Variants in LAMB4 observed in about 807,000 individuals in gnomAD.
The protein encoded by LAMB4 is laminin subunit beta-4.
A neutral mutation model predicts 199.2 loss-of-function variants in LAMB4; 196 were observed. That is an observed-to-expected ratio of 0.98 (90% CI 0.88 to 1.11). The LOEUF (loss-of-function observed/expected upper bound fraction) is 1.11. LAMB4 is among the 50% of genes least tolerant of loss of function. The probability of loss-of-function intolerance (pLI) is 0.00; values close to 1 mark genes in which losing one functional copy is unlikely to be tolerated. For missense variants in LAMB4, 2,080 were observed against 2,171.2 expected, an observed-to-expected ratio of 0.96 and a Z score of 0.83; for synonymous variants, 744 against 770.6, an observed-to-expected ratio of 0.97 and a Z score of 0.57.
At chr7:108,072,809 T>A (rs1055794973) in intron 17 of LAMB4, among the ~76,000 whole-genome samples, 15 of 152,212 alleles carry the variant, frequency 9.9e-5, no homozygotes, top group Non-Finnish European at 1.0e-4. Context: ...TACTGTATTC[T>A]TAAGTTGATA....
intron 8 of LAMB4, 29 bp downstream of exon 8, chr7:108,105,788 C>A (rs1162786680): frequency 6.3e-7 from 1 of 1,591,902 alleles, no homozygotes; most frequent in African/African-American, 1.3e-5. Context: ...GGTAGGACAG[C>A]CCACTGTTCT....
chr7:108,048,134 T>A (rs755712370), intron 27 of LAMB4, 23 bp from the exon 28 acceptor site: 13 of 1,454,048 alleles, frequency 8.9e-6, no homozygotes, highest in Non-Finnish European at 1.1e-5. Context: ...ATGATTTACG[T>A]TAAATAGCAA....
rs566642626 is a variant in LAMB4, at chr7:108,030,917, C to T, written c.4881G>A (p.Leu1627=). The T allele has an allele frequency of 1.2e-6, 2 of 1,614,092 alleles. No individual in the cohort carries two copies. Among genetic ancestry groups the T allele is most frequent in the South Asian group, 1.1e-5 (1 of 91,078 alleles). Residue 1627 remains leucine, a synonymous_variant, in exon 32 of 34, where the codon CTG becomes CTA. Coordinates refer to ENST00000388781, the MANE Select transcript of LAMB4 (RefSeq NM_007356.3). ...TCTGCAGCAGGGAAAGTCCATCCTC[C>T]AGCCCTGATCGCTGCTTTGCTAACT... The part of the protein sequence containing the change: ...ELELAKQRSG[L]EDGLSLLQTK...
chr7:108,071,506 C>T (rs1034223376), intron 17 of LAMB4, among the ~76,000 whole-genome samples: 1 of 152,224 alleles, frequency 6.6e-6, no homozygotes, highest in Admixed American at 6.5e-5. Context: ...CCCACAGGCA[C>T]TGCAAAACAA....
Position 108,023,980 on chromosome 7 carries a change from A to C in LAMB4, c.*59T>G. 1 of 1,468,122 alleles carries C rather than the reference A, an allele frequency of 6.8e-7. No homozygotes were observed. Among genetic ancestry groups the C allele is most frequent in the South Asian group, 1.4e-5 (1 of 71,912 alleles). 90.9% of individuals were successfully genotyped at this position (1,468,122 alleles called of 1,614,324 possible). Reference sequence around the variant, plus strand: ...TATTTCACAGGTTCAACAGAGCCCCAGGGGCTTGTACATCAGAAACCAGAA... The same window carrying C: ...TATTTCACAGGTTCAACAGAGCCCCCGGGGCTTGTACATCAGAAACCAGAA... On this transcript the variant is annotated 3_prime_UTR_variant, in exon 34 of 34. Coordinates refer to ENST00000388781, the MANE Select transcript of LAMB4 (RefSeq NM_007356.3).
intron 25 of LAMB4, 89 bp downstream of exon 25, chr7:108,055,543 T>A: frequency 7.4e-7 from 1 of 1,357,004 alleles, no homozygotes; most frequent in Non-Finnish European, 1.0e-6. Flanking sequence ...TAGGTACATT[T>A]CTAAATTGAA....
chr7:108,082,703 A>G (rs1428468896), intron 14 of LAMB4, among the ~76,000 whole-genome samples: 2 of 152,176 alleles, frequency 1.3e-5, no homozygotes, highest in Non-Finnish European at 2.9e-5. Flanking sequence ...GTGGGGTAAG[A>G]GCTCTTGTAG....
chr7:108,129,863 T>C (rs1173469451), intron 1 of LAMB4, among the ~76,000 whole-genome samples: 1 of 152,228 alleles, frequency 6.6e-6, no homozygotes, highest in Non-Finnish European at 1.5e-5. Flanking sequence ...GCAGACTTGC[T>C]TTTCTTAAAA....
chr7:108,039,790 A>T (rs1049682969), intron 29 of LAMB4, among the ~76,000 whole-genome samples: 2 of 152,268 alleles, frequency 1.3e-5, no homozygotes, highest in South Asian at 2.1e-4. Flanking sequence ...CTTTTTAATT[A>T]AAAAAGTTCT....
At position 108,037,425 on chromosome 7, in the gene LAMB4, C is replaced by T. The variant is rs1160831266; in HGVS notation, c.4642G>A (p.Gly1548Arg). ...DENRLNEEAD[G>R]AQKLLVKAKA... ...GCCTTCACCAAAAGCTTTTGGGCTC[C>T]ATCTGCTTCTTCATTTAACCTGTTT... Residue 1548 changes from glycine (G) to arginine (R), a missense_variant, in exon 30 of 34, where the codon GGA (glycine) becomes AGA (arginine). Coordinates refer to ENST00000388781, the MANE Select transcript of LAMB4 (RefSeq NM_007356.3). 1 of 1,614,064 alleles carries T rather than the reference C, an allele frequency of 6.2e-7. No individual in the cohort carries two copies. Among genetic ancestry groups the T allele is most frequent in the Non-Finnish European group, 8.5e-7 (1 of 1,180,034 alleles).
At chr7:108,081,036 C>G (rs1049642078) in intron 14 of LAMB4, among the ~76,000 whole-genome samples, 1 of 152,212 alleles carries the variant, frequency 6.6e-6, no homozygotes, top group Admixed American at 6.5e-5. Context: ...ACAGGAGAAT[C>G]GCTTGAACCT....
At chr7:108,020,160 T>C (rs1459330757), downstream of LAMB4, among the ~76,000 whole-genome samples, 2 of 151,934 alleles carry the variant, frequency 1.3e-5, no homozygotes, top group Non-Finnish European at 1.5e-5. Flanking sequence ...TCTCCTAGTG[T>C]TGGGGAGATG....
At chr7:108,065,699 T>C in intron 21 of LAMB4, 63 bp downstream of exon 21, 2 of 1,369,962 alleles carry the variant, frequency 1.5e-6, no homozygotes, top group Non-Finnish European at 2.0e-6. Flanking sequence ...GAATATATGA[T>C]CATTTTACAG....
intron 5 of LAMB4, among the ~76,000 whole-genome samples, chr7:108,108,061 C>G (rs1278448275): frequency 6.6e-6 from 1 of 152,158 alleles, no homozygotes; most frequent in Non-Finnish European, 1.5e-5. Context: ...CCACCTCAGC[C>G]TCCTGAGTAG....
chr7:108,100,918 TTA>T (rs2037793375), intron 10 of LAMB4, among the ~76,000 whole-genome samples: 1 of 152,214 alleles, frequency 6.6e-6, no homozygotes, highest in African/African-American at 2.4e-5. Flanking sequence ...AAGGTAAATT[TTA>T]TATAGTCAGG....
chr7:108,065,612 C>A, intron 21 of LAMB4, 150 bp downstream of exon 21: 1 of 518,224 alleles, frequency 1.9e-6, no homozygotes, highest in Middle Eastern at 4.1e-4. Context: ...ATTCTTTGTT[C>A]AATAAAGCAG....
Position 108,062,949 on chromosome 7 carries a change from G to T in LAMB4, c.3107C>A (p.Pro1036His). ...GTCACAGAGGCAAGCTCCCCCACCA[G>T]GGGGACACTCCATGGGACTCACGCC... Reference protein sequence around the residue: ...ASGVSPMECPPGGGACLCDPV... With the variant: ...ASGVSPMECPHGGGACLCDPV... The change falls in exon 23 of 34, where the codon CCT becomes CAT. Residue 1036 changes from proline to histidine, a missense_variant. Transcript: ENST00000388781. 1 of 1,605,286 alleles carries T rather than the reference G, an allele frequency of 6.2e-7. No individual in the cohort carries two copies. The highest frequency in any genetic ancestry group is 2.3e-5 in the East Asian group (1 of 44,058).
chr7:108,033,788 T>G (rs1378414634), intron 31 of LAMB4, among the ~76,000 whole-genome samples: 1 of 150,340 alleles, frequency 6.7e-6, no homozygotes. Context: ...TGAGATTTCA[T>G]GCACATTTAA....
Position 108,098,454 on chromosome 7 carries a change from A to G in LAMB4, c.1309T>C (p.Cys437Arg), listed in dbSNP as rs1001087660. 1.3e-6 allele frequency: 2 copies of G among 1,547,110 alleles called. No individual in the cohort carries two copies. Among genetic ancestry groups the G allele is most frequent in the Non-Finnish European group, 1.7e-6 (2 of 1,146,766 alleles). ...ENVEGAKCDQ[C>R]KPNHYGLSAT... ...CTTAGTCCGTAGTGGTTGGGTTTGC[A>G]CTGGTCGCATTTGGCTCCTTCCACG... is the stretch of plus-strand genomic sequence containing the variant. The change falls in exon 11 of 34, where the codon TGC becomes CGC. Residue 437 changes from cysteine to arginine, a missense_variant. Cys to Arg is a radical substitution (Grantham distance 180). Transcript: ENST00000388781.
Sources: allele counts gnomAD v4.1 joint callset (sites outside exome capture counted in the v4.1 genomes callset), GRCh38; gene constraint gnomAD v4.1.1; transcripts MANE v1.5; gene names NCBI Gene and HGNC (gene_info 2026-07-23, HGNC 2026-07-21).